NDUFA10: variants seen among roughly 807,000 people sequenced by gnomAD.
NDUFA10 encodes NADH:ubiquinone oxidoreductase subunit A10, also known as NADH dehydrogenase [ubiquinone] 1 alpha subcomplex subunit 10, mitochondrial.
Under a neutral mutation model 47.8 loss-of-function variants are expected in NDUFA10, and 40 were observed. The ratio of observed to expected loss-of-function variants is 0.84; its 90% confidence interval spans 0.65 to 1.09. NDUFA10 has a LOEUF of 1.09. Among genes scored for constraint, NDUFA10 ranks in the 50% least tolerant of loss-of-function variants. NDUFA10 has a pLI of 0.00. For missense variants in NDUFA10, 413 were observed against 451.1 expected (o/e 0.92, Z 0.76); for synonymous variants, 183 against 172.2 (o/e 1.06, Z -0.49).
intron 9 of NDUFA10, among the ~76,000 whole-genome samples, chr2:239,970,797 A>C (rs774885491): frequency 2.0e-5 from 3 of 152,274 alleles, no homozygotes; most frequent in Non-Finnish European, 4.4e-5. Flanking sequence ...AAAGGAAATA[A>C]GATGGAATTA....
intron 4 of NDUFA10, among the ~76,000 whole-genome samples, chr2:239,944,201 T>A (rs1694407751): frequency 6.6e-6 from 1 of 152,222 alleles, no homozygotes; most frequent in Non-Finnish European, 1.5e-5. Flanking sequence ...GTTATCCTCC[T>A]GCCAAGATCC....
At chr2:239,991,879 A>G (rs1236179350) in intron 8 of NDUFA10, among the ~76,000 whole-genome samples, 1 of 152,250 alleles carries the variant, frequency 6.6e-6, no homozygotes, top group African/African-American at 2.4e-5. Flanking sequence ...GACCATGTGT[A>G]GTATAGAGAG....
intron 4 of NDUFA10, among the ~76,000 whole-genome samples, chr2:239,947,030 G>T (rs1310397936): frequency 6.6e-6 from 1 of 151,952 alleles, no homozygotes; most frequent in African/African-American, 2.4e-5. Context: ...TGGGTGCTGT[G>T]CCTCCCATGG....
intron 5 of NDUFA10, 57 bp downstream of exon 5, chr2:240,014,682 A>T (rs1697269251): frequency 6.2e-7 from 1 of 1,611,520 alleles, no homozygotes; most frequent in Non-Finnish European, 8.5e-7. Flanking sequence ...CAGGGCTTTT[A>T]GTGCTGATCT....
downstream of NDUFA10, among the ~76,000 whole-genome samples, chr2:239,955,513 G>A (rs374839162): frequency 1.1e-4 from 17 of 152,314 alleles, no homozygotes; most frequent in South Asian, 3.5e-3. Context: ...CAGTGGTCCA[G>A]ACCCACTCCC....
At chr2:239,952,096 G>C (rs548170333) in intron 4 of NDUFA10, among the ~76,000 whole-genome samples, 1 of 152,182 alleles carries the variant, frequency 6.6e-6, no homozygotes, top group Non-Finnish European at 1.5e-5. Flanking sequence ...GAGCCCACGG[G>C]ATGAACCAGC....
intron 9 of NDUFA10, among the ~76,000 whole-genome samples, chr2:239,988,367 G>A (rs962220881): frequency 6.6e-6 from 1 of 152,096 alleles, no homozygotes. Context: ...CTAATCATAC[G>A]GCCCTAAAAC....
At chr2:239,975,586 A>G (rs1695485883) in intron 9 of NDUFA10, among the ~76,000 whole-genome samples, 1 of 152,312 alleles carries the variant, frequency 6.6e-6, no homozygotes, top group South Asian at 2.1e-4. Context: ...TCTTGTGGCA[A>G]CAGCATAGTG....
chr2:239,911,751 C>A (rs892012672), intron 4 of NDUFA10, among the ~76,000 whole-genome samples: 1 of 151,672 alleles, frequency 6.6e-6, no homozygotes, highest in Non-Finnish European at 1.5e-5. Flanking sequence ...TCCCCCAGCC[C>A]ATCCCCCAGT....
chr2:239,973,789 A>G (rs1339892984), intron 9 of NDUFA10: 2 of 352,214 alleles, frequency 5.7e-6, no homozygotes, highest in Admixed American at 8.8e-5. Flanking sequence ...GCACACATTC[A>G]GTATTTTCAT....
intron 4 of NDUFA10, among the ~76,000 whole-genome samples, chr2:239,915,675 T>C: frequency 7.9e-6 from 1 of 125,824 alleles, no homozygotes; most frequent in East Asian, 2.5e-4. Context: ...CACACAAACA[T>C]ATACACACAC....
rs767898636 is a variant in NDUFA10 at position 240,021,420 on chromosome 2, G to T, written c.245-8C>A. 6.2e-7 allele frequency: 1 copy of T among 1,613,030 alleles called. No homozygotes were observed. Reference sequence around the variant, plus strand: ...CAGGAAAGTGCTTGAAGCCTGAAAAGAGAAACAGTCGGATGCAGTCTGATG... The same window carrying T: ...CAGGAAAGTGCTTGAAGCCTGAAAATAGAAACAGTCGGATGCAGTCTGATG... On this transcript the variant is annotated splice_region_variant and splice_polypyrimidine_tract_variant and intron_variant, in intron 2 of 9. Coordinates refer to ENST00000252711, the MANE Select transcript of NDUFA10 (RefSeq NM_004544.4).
intron 1 of NDUFA10, 100 bp downstream of exon 1, chr2:240,025,127 G>C: frequency 3.3e-6 from 4 of 1,200,716 alleles, no homozygotes; most frequent in Non-Finnish European, 3.3e-6. Flanking sequence ...AGCGACCTGG[G>C]AGCCGCCGCC....
intron 4 of NDUFA10, among the ~76,000 whole-genome samples, chr2:239,897,436 C>T (rs1427334685): frequency 6.6e-6 from 1 of 151,912 alleles, no homozygotes; most frequent in African/African-American, 2.4e-5. Context: ...CATGCACGTA[C>T]CACACACATG....
intron 9 of NDUFA10, among the ~76,000 whole-genome samples, chr2:239,972,854 T>G (rs1350029835): frequency 1.3e-5 from 2 of 152,230 alleles, no homozygotes; most frequent in South Asian, 4.1e-4. Flanking sequence ...GAAAATGGTA[T>G]GCTTTCTAAA....
At chr2:239,922,599 CCATTA>C (rs1265987563) in intron 4 of NDUFA10, among the ~76,000 whole-genome samples, 2 of 152,230 alleles carry the variant, frequency 1.3e-5, no homozygotes. Flanking sequence ...CTGGGCATTG[CCATTA>C]CCACTGTCGT....
At chr2:239,961,275 T>C in intron 9 of NDUFA10, 89 bp from the exon 10 acceptor site, 1 of 1,598,242 alleles carries the variant, frequency 6.3e-7, no homozygotes, top group Non-Finnish European at 8.5e-7. Flanking sequence ...GGCAGATGCC[T>C]GTACTTCATG....
At chr2:240,025,004 G>C (rs1697796371) in intron 1 of NDUFA10, among the ~76,000 whole-genome samples, 1 of 152,166 alleles carries the variant, frequency 6.6e-6, no homozygotes, top group African/African-American at 2.4e-5. Flanking sequence ...CCAGCGTTTT[G>C]CTTAAAGCTG....
intron 4 of NDUFA10, among the ~76,000 whole-genome samples, chr2:239,904,265 CT>C (rs1288232225): frequency 6.6e-6 from 1 of 152,200 alleles, no homozygotes; most frequent in South Asian, 2.1e-4. Flanking sequence ...TCTTCTTCTT[CT>C]TTTTTCTTTT....
Sources: gnomAD v4.1 joint callset for allele counts (sites outside exome capture counted in the v4.1 genomes callset) on GRCh38, gnomAD v4.1.1 for gene constraint, MANE v1.5 for transcripts, NCBI Gene and HGNC (gene_info 2026-07-23, HGNC 2026-07-21) for gene names.